The following CRTAC1 variants were observed in gnomAD, a reference collection of about 807,000 sequenced individuals.
The protein encoded by CRTAC1 is acidic secreted protein in cartilage.
CRTAC1 carries 37 observed loss-of-function variants against 67.8 expected under a neutral mutation model. The ratio of observed to expected loss-of-function variants is 0.55; its 90% CI spans 0.42 to 0.72. The LOEUF (loss-of-function observed/expected upper bound fraction) is 0.72. Ranked by LOEUF, CRTAC1 falls within the 30% of genes least tolerant of loss-of-function variation. The pLI is 0.00. For synonymous variants in CRTAC1, 348 were observed against 371.0 expected, an observed-to-expected ratio of 0.94 and a Z score of 0.71; for missense variants, 780 against 931.6, an observed-to-expected ratio of 0.84 and a Z score of 2.12.
chr10:97,905,055 T>C (rs971885953), intron 6 of CRTAC1, among the ~76,000 whole-genome samples: 19 of 151,898 alleles, frequency 1.3e-4, no homozygotes, highest in Admixed American at 5.2e-4. Flanking sequence ...CCAGCATGCA[T>C]ATTATTTTTA....
At chr10:98,005,100 A>ATATATATTTTTTTTTT in intron 2 of CRTAC1, among the ~76,000 whole-genome samples, 8 of 48,884 alleles carry the variant, frequency 1.6e-4, no homozygotes, top group African/African-American at 4.6e-4. Context: ...ATATATATAT[A>ATATATATTTTTTTTTT]TTTTTTTTTT....
intron 2 of CRTAC1, among the ~76,000 whole-genome samples, chr10:97,990,345 T>C (rs1352549596): frequency 6.6e-6 from 1 of 152,228 alleles, no homozygotes; most frequent in African/African-American, 2.4e-5. Context: ...ACCAATTTCT[T>C]CTGAAATGTG....
chr10:97,931,467 A>G (rs1424335642), intron 3 of CRTAC1, among the ~76,000 whole-genome samples: 1 of 152,250 alleles, frequency 6.6e-6, no homozygotes, highest in Non-Finnish European at 1.5e-5. Flanking sequence ...GACCAATTAA[A>G]TTAATGGCAC....
At chr10:97,982,776 AC>A (rs2051913629) in intron 2 of CRTAC1, among the ~76,000 whole-genome samples, 1 of 152,250 alleles carries the variant, frequency 6.6e-6, no homozygotes, top group South Asian at 2.1e-4. Flanking sequence ...AAGGAGCATC[AC>A]ATTTGAACAA....
chr10:97,865,764 C>A, intron 14 of CRTAC1, 50 bp from the exon 15 acceptor site: 1 of 1,418,042 alleles, frequency 7.1e-7, no homozygotes, highest in Non-Finnish European at 9.3e-7. Context: ...CCTGCGGCGG[C>A]TGCGCTACCA....
At chr10:97,907,948 C>A (rs2136574436) in intron 6 of CRTAC1, 65 bp downstream of exon 6, 1 of 1,585,942 alleles carries the variant, frequency 6.3e-7, no homozygotes, top group South Asian at 1.1e-5. Context: ...GCAGGGCAGT[C>A]TGGAGTCCTC....
At chr10:97,979,469 G>A (rs1472798852) in intron 2 of CRTAC1, among the ~76,000 whole-genome samples, 1 of 152,208 alleles carries the variant, frequency 6.6e-6, no homozygotes, top group Non-Finnish European at 1.5e-5. Flanking sequence ...GCTGGAGAGT[G>A]AATGGAAGCA....
chr10:97,923,420 G>A lies in CRTAC1; in HGVS notation c.422-20C>T, dbSNP rs1404066388. 1.9e-6 allele frequency: 3 copies of A among 1,613,922 alleles called. No homozygotes were observed. The highest frequency in any genetic ancestry group is 1.3e-5 in the African/African-American group (1 of 74,940). On this transcript the variant is annotated intron_variant, in intron 3 of 14. Transcript: ENST00000370597. Reference sequence around the variant, plus strand: ...CCACCCCTGGAGAGAGGAGGAAAGGGAGGGCTGGTGGACAGTGGATCAGGG... The same window carrying A: ...CCACCCCTGGAGAGAGGAGGAAAGGAAGGGCTGGTGGACAGTGGATCAGGG...
intron 4 of CRTAC1, among the ~76,000 whole-genome samples, chr10:97,921,992 C>T (rs1280136798): frequency 4.6e-5 from 7 of 151,416 alleles, no homozygotes; most frequent in Non-Finnish European, 1.0e-4. Flanking sequence ...GAGTGCATCT[C>T]TTTGTGATTA....
At chr10:98,024,288 C>T (rs1369466124) in intron 1 of CRTAC1, among the ~76,000 whole-genome samples, 6 of 152,252 alleles carry the variant, frequency 3.9e-5, no homozygotes, top group Admixed American at 3.9e-4. Context: ...ATACTCTCTG[C>T]ACTCTCAATT....
At chr10:97,936,650 C>T (rs1210084831) in intron 2 of CRTAC1, among the ~76,000 whole-genome samples, 1 of 152,238 alleles carries the variant, frequency 6.6e-6, no homozygotes, top group East Asian at 1.9e-4. Context: ...CCATGGACAG[C>T]CCGTTCCCAC....
At chr10:98,005,100 A>ATATATTTTTTTTTTTTTTTTT in intron 2 of CRTAC1, among the ~76,000 whole-genome samples, 5 of 48,884 alleles carry the variant, frequency 1.0e-4, no homozygotes, top group Non-Finnish European at 1.4e-4. Flanking sequence ...ATATATATAT[A>ATATATTTTTTTTTTTTTTTTT]TTTTTTTTTT....
rs989095068 is a variant in CRTAC1, at chr10:98,030,323, C to T, written c.24+126G>A. 21 of 571,808 alleles carry T rather than the reference C, an allele frequency of 3.7e-5. No individual in the cohort carries two copies. The highest frequency in any genetic ancestry group is 5.1e-5 in the Non-Finnish European group (19 of 374,888). The allele number at this position is 571,808 out of a possible 1,614,324, so 35.4% of individuals were successfully genotyped here. On this transcript the variant is annotated intron_variant, in intron 1 of 14. Transcript: ENST00000370597. This position sits in a 1 kb window ranked among gnomAD's most constrained non-coding sequence, Gnocchi z 4.2. ...GTTAGGAGCGAAGCCGCCGCCTTCG[C>T]GATCCCAGTCTTCCCGGGTTCCCGG...
At chr10:98,026,762 C>T (rs1453364710) in intron 1 of CRTAC1, among the ~76,000 whole-genome samples, 1 of 152,170 alleles carries the variant, frequency 6.6e-6, no homozygotes, top group Non-Finnish European at 1.5e-5. Flanking sequence ...AGGATTCCGC[C>T]TCTCAGAATT....
In CRTAC1 at chr10:98,009,207, T is replaced by C. The variant is rs369582977; in HGVS notation, c.224+1931A>G. On this transcript the variant is annotated intron_variant, in intron 2 of 14. Transcript: ENST00000370597. ...CTGTACTGTCCAATTCAAATGTGGCTATTTTTAATTAAAATAAAAGAAAAT... is the reference window on the plus strand; with the variant it reads ...CTGTACTGTCCAATTCAAATGTGGCCATTTTTAATTAAAATAAAAGAAAAT... 3.9e-5 allele frequency among the ~76,000 whole-genome samples: 6 copies of C among 152,386 alleles called. No individual in the cohort carries two copies. The East Asian group carries it at 9.6e-4, about 24-fold the overall frequency.
chr10:97,885,301 G>T (rs1028488579), intron 11 of CRTAC1, among the ~76,000 whole-genome samples: 1 of 152,088 alleles, frequency 6.6e-6, no homozygotes, highest in African/African-American at 2.4e-5. Flanking sequence ...GGACTTCAAG[G>T]CCAGCCTGGG....
chr10:97,897,926 C>T (rs2050484146), intron 8 of CRTAC1, among the ~76,000 whole-genome samples: 1 of 152,188 alleles, frequency 6.6e-6, no homozygotes, highest in Non-Finnish European at 1.5e-5. Context: ...ACAGTCATAG[C>T]TTCAGGAGGG....
intron 2 of CRTAC1, among the ~76,000 whole-genome samples, chr10:97,962,938 G>A (rs975771156): frequency 6.6e-6 from 1 of 152,000 alleles, no homozygotes; most frequent in African/African-American, 2.4e-5. Flanking sequence ...AACATCCATA[G>A]AGATAAAAGA....
intron 2 of CRTAC1, among the ~76,000 whole-genome samples, chr10:97,981,686 A>AT (rs2051894227): frequency 6.6e-6 from 1 of 152,202 alleles, no homozygotes; most frequent in Admixed American, 6.5e-5. Flanking sequence ...AGGGCTGTGC[A>AT]TTTTTTAGGC....
Sources: gnomAD v4.1 joint callset for allele counts (sites outside exome capture counted in the v4.1 genomes callset) on GRCh38, gnomAD v4.1.1 for gene constraint, Gnocchi (gnomAD v3.1) non-coding constraint, MANE v1.5 for transcripts, NCBI Gene and HGNC (gene_info 2026-07-23, HGNC 2026-07-21) for gene names.